DCUN1D1: variants seen among roughly 807,000 people sequenced by gnomAD.
The protein encoded by DCUN1D1 is DCN1-like protein 1.
DCUN1D1 carries 3 observed loss-of-function variants against 39.0 expected under a neutral mutation model. The ratio of observed to expected loss-of-function variants is 0.08; its 90% CI spans 0.04 to 0.20. The LOEUF (loss-of-function observed/expected upper bound fraction) is 0.20, where lower values mean the gene tolerates loss of function less well. DCUN1D1 is among the 10% of genes least tolerant of loss of function. The probability of loss-of-function intolerance (pLI) is 1.00; values close to 1 mark genes in which losing one functional copy is unlikely to be tolerated. For missense variants in DCUN1D1, 158 were observed against 302.4 expected (o/e 0.52, Z 3.54); for synonymous variants, 82 against 96.3 (o/e 0.85, Z 0.87).
chr3:182,973,857 T>G (rs1327474867), intron 1 of DCUN1D1, among the ~76,000 whole-genome samples: 1 of 152,160 alleles, frequency 6.6e-6, no homozygotes, highest in African/African-American at 2.4e-5. Context: ...AAATAGATTT[T>G]GTAGACTTTT....
Position 182,941,539 on chromosome 3 carries a change from TTA to T in DCUN1D1, c.*3553_*3554del, listed in dbSNP as rs1726134081. 2.0e-5 allele frequency: 3 copies of T among 152,092 alleles called. No homozygotes were observed. The highest frequency in any genetic ancestry group is 2.0e-4 in the Admixed American group (3 of 15,270). The allele number at this position is 152,092 out of a possible 1,614,324, so 9.4% of individuals were successfully genotyped here. A position where few individuals can be genotyped will look rare whatever the true frequency, so the allele number is the denominator to read the frequency against. ...CACAATTCAGGTTTTGTGTCCCCAT[TTA>T]TATGTTAAATAGTTCACATTTAAAA... On this transcript the variant is annotated 3_prime_UTR_variant, in exon 7 of 7. Coordinates refer to ENST00000292782, the MANE Select transcript of DCUN1D1 (RefSeq NM_020640.4).
chr3:182,962,851 G>T (rs1727469468), intron 3 of DCUN1D1, among the ~76,000 whole-genome samples: 1 of 152,122 alleles, frequency 6.6e-6, no homozygotes, highest in Non-Finnish European at 1.5e-5. Flanking sequence ...CGTGATCTCG[G>T]CTCACCACAA....
chr3:182,955,476 C>T, intron 4 of DCUN1D1: 1 of 535,414 alleles, frequency 1.9e-6, no homozygotes, highest in Non-Finnish European at 3.8e-6. Flanking sequence ...GAATCCTCCA[C>T]TGTCTTTTGT....
Position 182,943,400 on chromosome 3 carries a change from A to G in DCUN1D1, c.*1694T>C, listed in dbSNP as rs1451796309. 4 of 152,416 alleles carry G rather than the reference A, an allele frequency of 2.6e-5. No homozygotes were observed. The highest frequency in any genetic ancestry group is 1.5e-5 in the Non-Finnish European group (1 of 67,972). 9.4% of individuals were successfully genotyped at this position (152,416 alleles called of 1,614,324 possible). ...CAGTAGCCTGAATAGAAATTTTCAA[A>G]TTTTTCTTTTGGTAAAACTGCATTC... On this transcript the variant is annotated 3_prime_UTR_variant, in exon 7 of 7. Transcript: ENST00000292782.
chr3:182,947,940 T>C (rs1021283304), intron 4 of DCUN1D1, among the ~76,000 whole-genome samples: 1 of 152,242 alleles, frequency 6.6e-6, no homozygotes, highest in African/African-American at 2.4e-5. Flanking sequence ...TATTAGTTAC[T>C]GTACACCAGG....
upstream of DCUN1D1, among the ~76,000 whole-genome samples, chr3:182,985,041 G>A (rs923289679): frequency 2.8e-4 from 42 of 152,268 alleles, no homozygotes; most frequent in African/African-American, 9.9e-4. Flanking sequence ...AATACATAAG[G>A]GTAAATGCGA....
intron 6 of DCUN1D1, among the ~76,000 whole-genome samples, chr3:182,945,410 A>G (rs972256012): frequency 6.6e-6 from 1 of 152,192 alleles, no homozygotes; most frequent in African/African-American, 2.4e-5. Context: ...TTGAGTGATA[A>G]AAGTAACTTG....
In DCUN1D1 at chr3:182,938,271, CAA is replaced by C. The variant is rs1725981510; in HGVS notation, c.*6821_*6822del. 1 of 149,608 alleles carries C rather than the reference CAA, an allele frequency of 6.7e-6. No homozygotes were observed. Among genetic ancestry groups the C allele is most frequent in the Non-Finnish European group, 1.5e-5 (1 of 67,624 alleles). 9.3% of individuals were successfully genotyped at this position (149,608 alleles called of 1,614,324 possible). A position where few individuals can be genotyped will look rare whatever the true frequency, so the allele number is the denominator to read the frequency against. On this transcript the variant is annotated 3_prime_UTR_variant, in exon 7 of 7. Transcript: ENST00000292782. ...TTTTTCAAAAAAATGAATTTGAAGC[CAA>C]AGAGTGGAGAGTGTGGGGATCCACT...
intron 4 of DCUN1D1, among the ~76,000 whole-genome samples, chr3:182,954,602 C>G (rs1040167730): frequency 6.6e-6 from 1 of 150,740 alleles, no homozygotes; most frequent in Non-Finnish European, 1.5e-5. Flanking sequence ...TTTCTGTGTG[C>G]ACATTTCACG....
intron 4 of DCUN1D1, among the ~76,000 whole-genome samples, chr3:182,949,949 T>C (rs964007137): frequency 2.0e-5 from 3 of 152,160 alleles, no homozygotes; most frequent in East Asian, 3.8e-4. Flanking sequence ...ATCATCCTCA[T>C]CTTCCTTCAA....
Position 182,943,043 on chromosome 3 carries a change from A to T in DCUN1D1, c.*2051T>A, listed in dbSNP as rs1577151738. 6.6e-6 allele frequency: 1 copy of T among 151,162 alleles called. No individual in the cohort carries two copies. The highest frequency in any genetic ancestry group is 2.1e-4 in the South Asian group (1 of 4,794). 9.4% of individuals were successfully genotyped at this position (151,162 alleles called of 1,614,324 possible). On this transcript the variant is annotated 3_prime_UTR_variant, in exon 7 of 7. Coordinates refer to ENST00000292782, the MANE Select transcript of DCUN1D1 (RefSeq NM_020640.4). Reference sequence around the variant, plus strand: ...TTGTTGAAAAGGTTTTGCATTTAAAAAGAAAAATATGTAAAATCCAAGGCA... The same window carrying T: ...TTGTTGAAAAGGTTTTGCATTTAAATAGAAAAATATGTAAAATCCAAGGCA...
At chr3:182,979,921 G>A (rs1728441133) in intron 1 of DCUN1D1, among the ~76,000 whole-genome samples, 1 of 152,150 alleles carries the variant, frequency 6.6e-6, no homozygotes, top group African/African-American at 2.4e-5. Context: ...AAAGGAAAAG[G>A]GCTGATACCC....
At chr3:182,946,948 A>T (rs1439521145) in intron 6 of DCUN1D1, among the ~76,000 whole-genome samples, 1 of 152,156 alleles carries the variant, frequency 6.6e-6, no homozygotes, top group African/African-American at 2.4e-5. Context: ...TAAAACATTA[A>T]GAAATTAGTC....
At chr3:182,961,689 A>G (rs896600474) in intron 3 of DCUN1D1, among the ~76,000 whole-genome samples, 1 of 152,222 alleles carries the variant, frequency 6.6e-6, no homozygotes, top group Non-Finnish European at 1.5e-5. Context: ...TCAGCATAAC[A>G]ATCATTTTAA....
chr3:182,952,479 C>T (rs1304519176), intron 4 of DCUN1D1, among the ~76,000 whole-genome samples: 1 of 152,192 alleles, frequency 6.6e-6, no homozygotes, highest in East Asian at 1.9e-4. Context: ...TGCCTGAAGA[C>T]ATCTTCCAAC....
intron 1 of DCUN1D1, among the ~76,000 whole-genome samples, chr3:182,978,396 T>C (rs1453153752): frequency 6.6e-6 from 1 of 152,220 alleles, no homozygotes. Flanking sequence ...TCTTATTATT[T>C]TTTTTAAGAG....
At chr3:182,947,175 G>A (rs911798901) in intron 6 of DCUN1D1, 63 bp downstream of exon 6, 2 of 840,042 alleles carry the variant, frequency 2.4e-6, no homozygotes, top group South Asian at 1.7e-5. Flanking sequence ...TACCTAAGAA[G>A]TTCAAGGGTA....
chr3:182,982,662 A>C (rs1473312249), upstream of DCUN1D1, among the ~76,000 whole-genome samples: 1 of 151,972 alleles, frequency 6.6e-6, no homozygotes, highest in Non-Finnish European at 1.5e-5. Context: ...TTTGTTTTTG[A>C]GATGGAGTCT....
chr3:182,961,837 G>C (rs549954183), intron 3 of DCUN1D1, among the ~76,000 whole-genome samples: 1 of 152,268 alleles, frequency 6.6e-6, no homozygotes, highest in South Asian at 2.1e-4. Context: ...GGAGTAAACA[G>C]GTGAACCTCC....
Sources: gnomAD v4.1 joint callset for allele counts (sites outside exome capture counted in the v4.1 genomes callset) on GRCh38, gnomAD v4.1.1 for gene constraint, MANE v1.5 for transcripts, NCBI Gene and HGNC (gene_info 2026-07-23, HGNC 2026-07-21) for gene names.